Variants in ATXN1 observed in about 807,000 individuals in gnomAD.
ATXN1 encodes the protein ataxin 1.
ATXN1 carries 8 observed loss-of-function variants against 56.4 expected under a neutral mutation model. The observed-to-expected ratio is 0.14, with a 90% CI of 0.08 to 0.26. The LOEUF (loss-of-function observed/expected upper bound fraction) is 0.26. ATXN1 is among the 10% of genes least tolerant of loss of function. ATXN1 has a pLI of 1.00. For missense variants in ATXN1, 987 were observed against 1,106.5 expected (o/e 0.89, Z 1.53); for synonymous variants, 514 against 494.6 (o/e 1.04, Z -0.52).
At chr6:16,397,553 T>C (rs1462445759) in intron 6 of ATXN1, among the ~76,000 whole-genome samples, 1 of 152,184 alleles carries the variant, frequency 6.6e-6, no homozygotes, top group Non-Finnish European at 1.5e-5. Flanking sequence ...CCGCCAGTAG[T>C]AGCTAAACTT....
chr6:16,598,465 T>G (rs1561772466), intron 3 of ATXN1, among the ~76,000 whole-genome samples: 1 of 152,256 alleles, frequency 6.6e-6, no homozygotes. Flanking sequence ...TTTACCACTT[T>G]CCAGCTCTGT....
chr6:16,559,299 A>T (rs1206186066), intron 4 of ATXN1, among the ~76,000 whole-genome samples: 1 of 152,108 alleles, frequency 6.6e-6, no homozygotes, highest in African/African-American at 2.4e-5. Context: ...ATCCTTGCTG[A>T]CATACAACAT....
intron 4 of ATXN1, among the ~76,000 whole-genome samples, chr6:16,559,873 T>C (rs1031320636): frequency 1.3e-5 from 2 of 151,960 alleles, no homozygotes; most frequent in Admixed American, 1.3e-4. Context: ...AAAAATAAAG[T>C]TTTTTAAACC....
At position 16,355,711 on chromosome 6, in the gene ATXN1, G is replaced by A. The variant is rs986177351; in HGVS notation, c.-160-27241C>T. Among the ~76,000 whole-genome samples, 14 of 152,278 alleles carry A rather than the reference G, an allele frequency of 9.2e-5. No homozygotes were observed. The South Asian group carries it at 1.7e-3, about 18-fold the overall frequency. The stretch of plus-strand genomic sequence containing the variant: ...TGAGTAGCTGGGATTATAGGCATGC[G>A]CCACCACGCCCGGCTAATTTTTTTC... On this transcript the variant is annotated intron_variant, in intron 6 of 7. Transcript: ENST00000436367.
intron 6 of ATXN1, among the ~76,000 whole-genome samples, chr6:16,453,311 A>G (rs1454634198): frequency 6.6e-6 from 1 of 152,086 alleles, no homozygotes; most frequent in African/African-American, 2.4e-5. Flanking sequence ...ATACAAAAAA[A>G]TTAGCTGGGC....
At position 16,302,310 on chromosome 6, in the gene ATXN1, A is replaced by C. The variant is rs1211675778; in HGVS notation, c.*4019T>G. 6.6e-6 allele frequency: 1 copy of C among 152,274 alleles called. No individual in the cohort carries two copies. Among genetic ancestry groups the C allele is most frequent in the Admixed American group, 6.5e-5 (1 of 15,270 alleles). 9.4% of individuals were successfully genotyped at this position (152,274 alleles called of 1,614,324 possible). On this transcript the variant is annotated 3_prime_UTR_variant, in exon 8 of 8. Transcript: ENST00000436367. ...TGCCACTTCCTGGTGGGGGGAAAAA[A>C]CCCAACACACTCACCTAACAGAAAA...
intron 3 of ATXN1, among the ~76,000 whole-genome samples, chr6:16,619,894 GAA>G (rs374935642): frequency 1.4e-5 from 2 of 139,894 alleles, no homozygotes; most frequent in African/African-American, 5.2e-5. Flanking sequence ...AAAAAAAAAA[GAA>G]AAAAAAAAAA....
intron 6 of ATXN1, among the ~76,000 whole-genome samples, chr6:16,398,165 C>A (rs1758493374): frequency 6.6e-6 from 1 of 152,152 alleles, no homozygotes; most frequent in Admixed American, 6.5e-5. Flanking sequence ...CTTTGAGGCA[C>A]CCACATCTAC....
At chr6:16,498,417 T>C (rs1489115664) in intron 5 of ATXN1, among the ~76,000 whole-genome samples, 1 of 152,240 alleles carries the variant, frequency 6.6e-6, no homozygotes, top group African/African-American at 2.4e-5. Context: ...GATTCCATAT[T>C]TGGGCTACTA....
intron 6 of ATXN1, among the ~76,000 whole-genome samples, chr6:16,469,861 GC>G (rs1760182163): frequency 6.6e-6 from 1 of 151,924 alleles, no homozygotes; most frequent in Non-Finnish European, 1.5e-5. Flanking sequence ...TACTTGGGAG[GC>G]TGAGGCAACA....
chr6:16,314,924 G>A (rs1395182631), intron 7 of ATXN1, among the ~76,000 whole-genome samples: 1 of 152,068 alleles, frequency 6.6e-6, no homozygotes, highest in East Asian at 1.9e-4. Context: ...AAATATTATT[G>A]AGGGTTCCTA....
chr6:16,751,001 C>A (rs1333945529), intron 2 of ATXN1, among the ~76,000 whole-genome samples: 1 of 144,568 alleles, frequency 6.9e-6, no homozygotes, highest in Admixed American at 7.1e-5. Context: ...TGGAGTCTCA[C>A]TCTGTCGCCC....
At chr6:16,363,046 C>T (rs563352798) in intron 6 of ATXN1, among the ~76,000 whole-genome samples, 1 of 152,306 alleles carries the variant, frequency 6.6e-6, no homozygotes, top group Admixed American at 6.5e-5. Context: ...ACGGAATCTT[C>T]CCCATTGCCA....
intron 6 of ATXN1, among the ~76,000 whole-genome samples, chr6:16,430,080 T>C (rs1400788011): frequency 2.6e-5 from 4 of 151,414 alleles, no homozygotes; most frequent in Non-Finnish European, 4.4e-5. Context: ...TAGAGTTAAA[T>C]GTTAGGAAAA....
At chr6:16,733,462 C>T (rs1256610005) in intron 2 of ATXN1, among the ~76,000 whole-genome samples, 1 of 151,960 alleles carries the variant, frequency 6.6e-6, no homozygotes, top group Admixed American at 6.6e-5. Flanking sequence ...AATCGGGAGG[C>T]TGAGGTAGGA....
chr6:16,400,841 T>C (rs1429120047), intron 6 of ATXN1, among the ~76,000 whole-genome samples: 3 of 152,202 alleles, frequency 2.0e-5, no homozygotes, highest in East Asian at 1.9e-4. Flanking sequence ...GGTCTACTTT[T>C]TGGCCATTTT....
intron 6 of ATXN1, among the ~76,000 whole-genome samples, chr6:16,408,661 T>C (rs1014580615): frequency 1.8e-4 from 28 of 152,244 alleles, no homozygotes; most frequent in African/African-American, 5.5e-4. Flanking sequence ...CTTATGCAAA[T>C]TGAAAAACAT....
intron 6 of ATXN1, among the ~76,000 whole-genome samples, chr6:16,380,217 C>T (rs186399611): frequency 1.3e-5 from 2 of 152,290 alleles, no homozygotes; most frequent in African/African-American, 4.8e-5. Flanking sequence ...GGGCTGAATA[C>T]ATGCATCTTT....
At position 16,570,881 on chromosome 6, in the gene ATXN1, A is replaced by G. The variant is rs147280957; in HGVS notation, c.-361+14899T>C. On this transcript the variant is annotated intron_variant, in intron 4 of 7. Coordinates refer to ENST00000436367, the MANE Select transcript of ATXN1 (RefSeq NM_001128164.2). ...GCACAGCGATTTTCTGGAGCTGTCCACCCTCATCACTTTGTTGCATCTCTA... is the reference window on the plus strand; with the variant it reads ...GCACAGCGATTTTCTGGAGCTGTCCGCCCTCATCACTTTGTTGCATCTCTA... 2.3e-3 allele frequency among the ~76,000 whole-genome samples: 357 copies of G among 152,272 alleles called. 4 individuals are homozygous for G. The highest frequency in any genetic ancestry group is 8.0e-3 in the African/African-American group (332 of 41,570).
Sources: gnomAD v4.1 joint callset for allele counts (sites outside exome capture counted in the v4.1 genomes callset) on GRCh38, gnomAD v4.1.1 for gene constraint, MANE v1.5 for transcripts, NCBI Gene and HGNC (gene_info 2026-07-23, HGNC 2026-07-21) for gene names.